Variants in LAMC1 observed in about 807,000 individuals in gnomAD.
LAMC1 encodes the protein laminin subunit gamma-1.
In LAMC1, 38 loss-of-function variants were observed where a neutral mutation model predicts 173.6. The ratio of observed to expected loss-of-function variants is 0.22; its 90% CI spans 0.17 to 0.29. LAMC1 has a LOEUF of 0.29. Among genes scored for constraint, LAMC1 ranks in the 10% least tolerant of loss-of-function variants. The probability of loss-of-function intolerance (pLI) is 1.00; values close to 1 mark genes in which losing one functional copy is unlikely to be tolerated. For missense variants in LAMC1, 1,824 were observed against 2,051.8 expected, an observed-to-expected ratio of 0.89 and a Z score of 2.14; for synonymous variants, 746 against 749.1, an observed-to-expected ratio of 1.00 and a Z score of 0.07.
chr1:183,099,168 A>T (rs1655770427), intron 1 of LAMC1, among the ~76,000 whole-genome samples: 1 of 151,874 alleles, frequency 6.6e-6, no homozygotes, highest in South Asian at 2.1e-4. Flanking sequence ...GGCTCACTGC[A>T]ACCTCCGCCT....
chr1:183,117,733 CCTT>C lies in LAMC1; in HGVS notation c.1877+14_1877+16del, dbSNP rs1656362652. Reference sequence around the variant, plus strand: ...TGAAGTATGTCTTCAGGTAAGATAGCCTTCTTTGTAAAGTGAGACTTGACGAAC... The same window carrying C: ...TGAAGTATGTCTTCAGGTAAGATAGCCTTTGTAAAGTGAGACTTGACGAAC... On this transcript the variant is annotated intron_variant, in intron 10 of 27. Coordinates refer to ENST00000258341, the MANE Select transcript of LAMC1 (RefSeq NM_002293.4). 1 of 1,604,772 alleles carries C rather than the reference CCTT, an allele frequency of 6.2e-7. No individual in the cohort carries two copies. Among genetic ancestry groups the C allele is most frequent in the Admixed American group, 1.7e-5 (1 of 59,558 alleles).
intron 1 of LAMC1, among the ~76,000 whole-genome samples, chr1:183,102,669 T>C (rs1332233048): frequency 6.6e-6 from 1 of 152,228 alleles, no homozygotes; most frequent in East Asian, 1.9e-4. Flanking sequence ...TTTGAACATA[T>C]TGAAACAACC....
intron 13 of LAMC1, among the ~76,000 whole-genome samples, chr1:183,124,292 T>C (rs1449162113): frequency 6.6e-6 from 1 of 152,238 alleles, no homozygotes; most frequent in Admixed American, 6.5e-5. Flanking sequence ...AAACAACATA[T>C]ATGAATGTGC....
At chr1:183,081,602 A>C (rs531010028) in intron 1 of LAMC1, among the ~76,000 whole-genome samples, 90 of 131,990 alleles carry the variant, frequency 6.8e-4, no homozygotes, top group Middle Eastern at 4.1e-3. Context: ...ATAAATAAAT[A>C]AATCTTTAGA....
chr1:183,136,710 C>T (rs1656953154), intron 25 of LAMC1, 125 bp downstream of exon 25: 1 of 753,402 alleles, frequency 1.3e-6, no homozygotes. Context: ...TTGTCTTAAA[C>T]CATATTTGTC....
At chr1:183,053,662 G>T (rs534229482) in intron 1 of LAMC1, among the ~76,000 whole-genome samples, 5 of 151,178 alleles carry the variant, frequency 3.3e-5, no homozygotes, top group South Asian at 4.2e-4. Flanking sequence ...GTCTTGCTCT[G>T]TTGCCCAGGC....
At chr1:183,093,103 C>T (rs991963500) in intron 1 of LAMC1, among the ~76,000 whole-genome samples, 1 of 152,116 alleles carries the variant, frequency 6.6e-6, no homozygotes, top group African/African-American at 2.4e-5. Flanking sequence ...ATGATAGTAC[C>T]ATTGCACTCC....
chr1:183,088,470 A>G (rs972343337), intron 1 of LAMC1, among the ~76,000 whole-genome samples: 2 of 152,254 alleles, frequency 1.3e-5, no homozygotes, highest in Non-Finnish European at 2.9e-5. Flanking sequence ...CATCATGGAT[A>G]GTATTGTATT....
intron 2 of LAMC1, among the ~76,000 whole-genome samples, chr1:183,105,946 A>G (rs751484589): frequency 1.3e-5 from 2 of 152,230 alleles, no homozygotes; most frequent in African/African-American, 2.4e-5. Context: ...ATTTACATTT[A>G]TTAAAGCACT....
intron 27 of LAMC1, among the ~76,000 whole-genome samples, chr1:183,142,250 T>C (rs1342190185): frequency 1.3e-5 from 2 of 152,244 alleles, no homozygotes; most frequent in Admixed American, 1.3e-4. Context: ...ACATGGTAGC[T>C]GTGCATTGAG....
Position 183,140,465 on chromosome 1 carries a change from G to A in LAMC1, c.4535G>A (p.Ser1512Asn), listed in dbSNP as rs183296150. ...NARKAKNSVT[S>N]LLSIINDLLE... is the part of the protein sequence containing the mutation. ...AGAAAAGCCAAAAACTCTGTTACTA[G>A]CCTCCTCAGCATTATTAATGACCTC... Residue 1512 changes from serine to asparagine, a missense_variant, in exon 27 of 28, where the codon AGC (serine) becomes AAC (asparagine). Transcript: ENST00000258341. 155 of 1,613,540 alleles carry A rather than the reference G, an allele frequency of 9.6e-5. No homozygotes were observed. Among genetic ancestry groups the A allele is most frequent in the Admixed American group, 3.8e-4 (23 of 59,976 alleles).
intron 1 of LAMC1, among the ~76,000 whole-genome samples, chr1:183,041,187 T>C (rs1654122376): frequency 6.6e-6 from 1 of 152,230 alleles, no homozygotes; most frequent in African/African-American, 2.4e-5. Context: ...AAAAGAGTAC[T>C]GTGTCAGGCT....
intron 1 of LAMC1, among the ~76,000 whole-genome samples, chr1:183,072,838 A>G (rs1208491748): frequency 6.6e-6 from 1 of 152,218 alleles, no homozygotes. Flanking sequence ...TGAGGGATCT[A>G]GGTTGCGTGC....
intron 1 of LAMC1, among the ~76,000 whole-genome samples, chr1:183,052,391 T>C (rs1654453065): frequency 6.6e-6 from 1 of 152,138 alleles, no homozygotes; most frequent in African/African-American, 2.4e-5. Context: ...CTGAGTGCAG[T>C]GGCATGATCT....
intron 1 of LAMC1, among the ~76,000 whole-genome samples, chr1:183,069,194 A>C (rs1654948744): frequency 6.6e-6 from 1 of 152,198 alleles, no homozygotes; most frequent in South Asian, 2.1e-4. Context: ...GTCCATTTAT[A>C]TGGCATATAA....
chr1:183,111,895 TGTG>T (rs1378624852), intron 4 of LAMC1, among the ~76,000 whole-genome samples: 1 of 151,920 alleles, frequency 6.6e-6, no homozygotes, highest in Non-Finnish European at 1.5e-5. Flanking sequence ...ATTAGCCAGG[TGTG>T]GTGGTGCACG....
intron 1 of LAMC1, among the ~76,000 whole-genome samples, chr1:183,097,617 CAAG>C (rs892834531): frequency 8.5e-5 from 13 of 152,158 alleles, no homozygotes; most frequent in African/African-American, 3.1e-4. Flanking sequence ...AATTCTAAGA[CAAG>C]AAGAGTTTCT....
At chr1:183,116,306 G>C (rs930552307) in intron 6 of LAMC1, among the ~76,000 whole-genome samples, 1 of 151,676 alleles carries the variant, frequency 6.6e-6, no homozygotes, top group African/African-American at 2.4e-5. Flanking sequence ...TTGAAACCCT[G>C]TCTCTACTAA....
At chr1:183,081,129 CGCCTGCATCG>C (rs1368738056) in intron 1 of LAMC1, among the ~76,000 whole-genome samples, 4 of 151,842 alleles carry the variant, frequency 2.6e-5, no homozygotes, top group Admixed American at 2.6e-4. Context: ...CCACGTGATC[CGCCTGCATCG>C]GCCTCCCAAA....
Sources: gnomAD v4.1 joint callset for allele counts (sites outside exome capture counted in the v4.1 genomes callset) on GRCh38, gnomAD v4.1.1 for gene constraint, MANE v1.5 for transcripts, NCBI Gene and HGNC (gene_info 2026-07-23, HGNC 2026-07-21) for gene names.